GRIA4: variants seen among roughly 807,000 people sequenced by gnomAD.
GRIA4 encodes glutamate ionotropic receptor AMPA type subunit 4.
GRIA4 carries 34 observed loss-of-function variants against 104.0 expected under a neutral mutation model. The ratio of observed to expected loss-of-function variants is 0.33; its 90% confidence interval spans 0.25 to 0.44. GRIA4 has a LOEUF of 0.44. Ranked by LOEUF, GRIA4 falls within the 20% of genes least tolerant of loss-of-function variation. GRIA4 has a pLI of 1.00. For synonymous variants in GRIA4, 386 were observed against 381.9 expected (o/e 1.01, Z -0.13); for missense variants, 750 against 1,096.5 (o/e 0.68, Z 4.46).
intron 5 of GRIA4, among the ~76,000 whole-genome samples, chr11:105,886,328 T>C (rs1416455226): frequency 6.6e-6 from 1 of 152,230 alleles, no homozygotes; most frequent in Admixed American, 6.5e-5. Flanking sequence ...ATTTATCCTT[T>C]GTGTTATAAA....
At chr11:105,825,976 T>A (rs577571639) in intron 4 of GRIA4, among the ~76,000 whole-genome samples, 1 of 151,952 alleles carries the variant, frequency 6.6e-6, no homozygotes, top group South Asian at 2.1e-4. Context: ...ACCCCATAGT[T>A]GAATTTGGAT....
At chr11:105,797,972 T>C (rs536330689) in intron 4 of GRIA4, 1 of 362,344 alleles carries the variant, frequency 2.8e-6, no homozygotes. Flanking sequence ...TATTCATTTA[T>C]TGAGCAAATA....
At chr11:105,823,251 T>C (rs560421009) in intron 4 of GRIA4, among the ~76,000 whole-genome samples, 2 of 152,238 alleles carry the variant, frequency 1.3e-5, no homozygotes, top group African/African-American at 2.4e-5. Context: ...TTCTGACTTA[T>C]GGAACACAGC....
At chr11:105,911,051 A>G (rs1334555845) in intron 10 of GRIA4, among the ~76,000 whole-genome samples, 2 of 152,100 alleles carry the variant, frequency 1.3e-5, no homozygotes, top group South Asian at 2.1e-4. Context: ...GATTTTAATG[A>G]GCATGATTTA....
intron 5 of GRIA4, among the ~76,000 whole-genome samples, chr11:105,865,552 A>T (rs982172319): frequency 1.3e-5 from 2 of 152,200 alleles, no homozygotes; most frequent in Non-Finnish European, 2.9e-5. Context: ...TAACAAAAAT[A>T]TCAATTATTT....
intron 5 of GRIA4, among the ~76,000 whole-genome samples, chr11:105,872,271 A>G (rs1591376794): frequency 6.6e-6 from 1 of 152,126 alleles, no homozygotes; most frequent in East Asian, 1.9e-4. Context: ...TTGATTTAAG[A>G]AAAATGAAAG....
chr11:105,913,162 G>A, intron 10 of GRIA4: 1 of 444,722 alleles, frequency 2.2e-6, no homozygotes, highest in South Asian at 9.5e-5. Flanking sequence ...CACAGTTCTA[G>A]GCCCTGGGGA....
At chr11:105,834,052 G>A (rs772065429) in intron 4 of GRIA4, among the ~76,000 whole-genome samples, 46 of 152,004 alleles carry the variant, frequency 3.0e-4, no homozygotes, top group Non-Finnish European at 4.4e-4. Flanking sequence ...GTTGTAAAAT[G>A]TGTTAATTGC....
At chr11:105,801,514 T>A (rs538539747) in intron 4 of GRIA4, among the ~76,000 whole-genome samples, 1 of 152,156 alleles carries the variant, frequency 6.6e-6, no homozygotes, top group Admixed American at 6.6e-5. Flanking sequence ...TTCAGAAATA[T>A]CTCTAACTTC....
chr11:105,762,026 ATT>A (rs68081839), intron 4 of GRIA4, among the ~76,000 whole-genome samples: 1 of 147,114 alleles, frequency 6.8e-6, no homozygotes, highest in Non-Finnish European at 1.5e-5. Context: ...AGAAGTCTTA[ATT>A]TTTTTTTTTT....
intron 11 of GRIA4, among the ~76,000 whole-genome samples, chr11:105,921,034 C>A (rs1947543769): frequency 6.6e-6 from 1 of 152,124 alleles, no homozygotes; most frequent in African/African-American, 2.4e-5. Context: ...TCTATTATAT[C>A]TAGGTGATTA....
At chr11:105,848,706 T>C (rs990463601) in intron 4 of GRIA4, among the ~76,000 whole-genome samples, 1 of 151,972 alleles carries the variant, frequency 6.6e-6, no homozygotes, top group African/African-American at 2.4e-5. Context: ...TTTTAAAAGG[T>C]GTGGGCAAGC....
chr11:105,763,552 T>C (rs1275016383), intron 4 of GRIA4, among the ~76,000 whole-genome samples: 1 of 152,144 alleles, frequency 6.6e-6, no homozygotes, highest in Non-Finnish European at 1.5e-5. Context: ...TGGTAACAAA[T>C]GCAAAGATTT....
intron 3 of GRIA4, among the ~76,000 whole-genome samples, chr11:105,694,057 C>T (rs1482900981): frequency 6.6e-6 from 1 of 152,066 alleles, no homozygotes; most frequent in East Asian, 1.9e-4. Flanking sequence ...CAGTAACTTC[C>T]AATAAAGATA....
At chr11:105,893,851 T>C (rs1178816049) in intron 6 of GRIA4, among the ~76,000 whole-genome samples, 1 of 152,226 alleles carries the variant, frequency 6.6e-6, no homozygotes, top group Admixed American at 6.5e-5. Context: ...TATACTCTGA[T>C]AGAAGCAAAC....
chr11:105,623,338 T>C (rs1950803644), intron 3 of GRIA4, among the ~76,000 whole-genome samples: 1 of 151,966 alleles, frequency 6.6e-6, no homozygotes, highest in South Asian at 2.1e-4. Context: ...CATAATTAAT[T>C]TCCTGCTTCT....
At chr11:105,893,114 C>A (rs939692530) in intron 6 of GRIA4, among the ~76,000 whole-genome samples, 1 of 152,040 alleles carries the variant, frequency 6.6e-6, no homozygotes, top group South Asian at 2.1e-4. Context: ...TGGTAATTAA[C>A]CATTGTGAAA....
chr11:105,649,052 T>C (rs1951613601), intron 3 of GRIA4, among the ~76,000 whole-genome samples: 1 of 152,168 alleles, frequency 6.6e-6, no homozygotes, highest in Non-Finnish European at 1.5e-5. Flanking sequence ...CTGATGTTAA[T>C]GCAGAAAAAC....
intron 14 of GRIA4, among the ~76,000 whole-genome samples, chr11:105,965,104 G>A (rs1703544826): frequency 6.6e-6 from 1 of 152,052 alleles, no homozygotes; most frequent in Admixed American, 6.6e-5. Flanking sequence ...ACCGCACCTG[G>A]CCCATGACAC....
Sources: gnomAD v4.1 joint callset for allele counts (sites outside exome capture counted in the v4.1 genomes callset) on GRCh38, gnomAD v4.1.1 for gene constraint, MANE v1.5 for transcripts, NCBI Gene and HGNC (gene_info 2026-07-23, HGNC 2026-07-21) for gene names.